Variants in RGS22 observed in about 807,000 individuals in gnomAD.
RGS22 encodes the protein regulator of G-protein signaling 22.
RGS22 carries 148 observed loss-of-function variants against 172.9 expected under a neutral mutation model. The ratio of observed to expected loss-of-function variants is 0.86; its 90% confidence interval spans 0.75 to 0.98. The LOEUF is 0.98. Ranked by LOEUF, RGS22 falls within the 50% of genes least tolerant of loss-of-function variation. RGS22 has a pLI of 0.00. For missense variants in RGS22, 1,347 were observed against 1,440.8 expected, an observed-to-expected ratio of 0.93 and a Z score of 1.05; for synonymous variants, 458 against 480.2, an observed-to-expected ratio of 0.95 and a Z score of 0.60.
At chr8:100,043,099 G>C (rs572547065) in intron 11 of RGS22, among the ~76,000 whole-genome samples, 1 of 152,322 alleles carries the variant, frequency 6.6e-6, no homozygotes, top group Non-Finnish European at 1.5e-5. Context: ...AACACTGGCA[G>C]TTGCCTATTA....
chr8:100,086,784 CAGCACTCTG>C (rs2131949752), intron 3 of RGS22, among the ~76,000 whole-genome samples: 1 of 152,240 alleles, frequency 6.6e-6, no homozygotes, highest in East Asian at 1.9e-4. Context: ...GGAAGGAGCT[CAGCACTCTG>C]AGTTTTAACA....
At chr8:99,993,770 C>T (rs1363724874) in intron 20 of RGS22, among the ~76,000 whole-genome samples, 1 of 152,126 alleles carries the variant, frequency 6.6e-6, no homozygotes, top group Non-Finnish European at 1.5e-5. Context: ...TTTTATGAGG[C>T]CAACGTCATC....
intron 10 of RGS22, among the ~76,000 whole-genome samples, chr8:100,049,849 C>T (rs191788518): frequency 6.6e-6 from 1 of 152,074 alleles, no homozygotes; most frequent in East Asian, 1.9e-4. Context: ...GAGTTCGAGA[C>T]CAGCCTGGCC....
intron 14 of RGS22, among the ~76,000 whole-genome samples, chr8:100,009,213 T>A (rs1342307102): frequency 6.6e-6 from 1 of 150,958 alleles, no homozygotes; most frequent in Non-Finnish European, 1.5e-5. Flanking sequence ...AGGTCAGGAG[T>A]TCAAGATGAG....
intron 20 of RGS22, among the ~76,000 whole-genome samples, chr8:99,995,958 G>T (rs1360850961): frequency 6.6e-6 from 1 of 152,120 alleles, no homozygotes; most frequent in Non-Finnish European, 1.5e-5. Flanking sequence ...CATGTCCTTC[G>T]CAGGGACATG....
At chr8:100,017,819 G>T (rs1317952033) in intron 14 of RGS22, among the ~76,000 whole-genome samples, 1 of 152,092 alleles carries the variant, frequency 6.6e-6, no homozygotes, top group Non-Finnish European at 1.5e-5. Flanking sequence ...CAAATCATTT[G>T]CTTTTTTACT....
chr8:100,030,260 G>T (rs1298175173), intron 14 of RGS22, among the ~76,000 whole-genome samples: 1 of 152,104 alleles, frequency 6.6e-6, no homozygotes, highest in African/African-American at 2.4e-5. Flanking sequence ...GTTGTATAAA[G>T]GTATAGCACA....
At chr8:100,004,138 C>T (rs1439097768) in intron 16 of RGS22, 40 bp from the exon 17 acceptor site, 3 of 1,516,598 alleles carry the variant, frequency 2.0e-6, no homozygotes, top group African/African-American at 2.8e-5. Context: ...CTCTTAAACA[C>T]AACAGATTGT....
chr8:99,970,397 G>T (rs1811207428), intron 23 of RGS22, among the ~76,000 whole-genome samples: 1 of 152,012 alleles, frequency 6.6e-6, no homozygotes, highest in Non-Finnish European at 1.5e-5. Flanking sequence ...CAAAACTAAA[G>T]GAGATACAGA....
intron 14 of RGS22, among the ~76,000 whole-genome samples, chr8:100,031,425 C>T (rs1000912143): frequency 2.0e-5 from 3 of 152,060 alleles, no homozygotes; most frequent in African/African-American, 7.2e-5. Flanking sequence ...GGTAAAAGTG[C>T]TGTGGATTTA....
At chr8:100,052,552 C>G (rs374840593) in intron 10 of RGS22, among the ~76,000 whole-genome samples, 1 of 151,962 alleles carries the variant, frequency 6.6e-6, no homozygotes. Flanking sequence ...CCGCCTGCCT[C>G]GGCCTCCCAA....
In RGS22 at chr8:99,982,004, A is replaced by G. The variant is rs1311131310; in HGVS notation, c.3293T>C (p.Val1098Ala). The G allele has an allele frequency of 1.2e-6, 2 of 1,613,866 alleles. No homozygotes were observed. Among genetic ancestry groups the G allele is most frequent in the African/African-American group, 2.7e-5 (2 of 74,894 alleles). Residue 1098 changes from valine (V) to alanine (A), a missense_variant, in exon 22 of 28, where the codon GTA (valine) becomes GCA (alanine). By Grantham distance (64) the Val-to-Ala change is moderately conservative (BLOSUM62 0). Transcript: ENST00000360863. ...IPPALQIDIP[V>A]EQAQKIIEHR... ...TTCAATAATCTTCTGGGCTTGCTCTACTGGAATGTCAATTTGTAAAGCTGG... is the reference window on the plus strand; with the variant it reads ...TTCAATAATCTTCTGGGCTTGCTCTGCTGGAATGTCAATTTGTAAAGCTGG...
rs552488752 is a variant in RGS22 at position 100,034,903 on chromosome 8, T to C, written c.2166+4028A>G. 2.6e-3 allele frequency among the ~76,000 whole-genome samples: 393 copies of C among 152,272 alleles called. 4 individuals are homozygous for C. The highest frequency in any genetic ancestry group is 4.3e-3 in the Non-Finnish European group (293 of 68,020). ...TGGTGCTGGGAAAACTGGCTAGCCATATGTAAAAAGCTGAAACTGGATCCC... is the reference window on the plus strand; with the variant it reads ...TGGTGCTGGGAAAACTGGCTAGCCACATGTAAAAAGCTGAAACTGGATCCC... On this transcript the variant is annotated intron_variant, in intron 14 of 27. Transcript: ENST00000360863.
At chr8:100,019,552 G>T (rs1000193355) in intron 14 of RGS22, among the ~76,000 whole-genome samples, 1 of 152,162 alleles carries the variant, frequency 6.6e-6, no homozygotes, top group Non-Finnish European at 1.5e-5. Flanking sequence ...CAAAACCTAT[G>T]TACTGTGAGA....
chr8:100,079,746 A>G (rs951972308), intron 4 of RGS22, among the ~76,000 whole-genome samples: 1 of 152,270 alleles, frequency 6.6e-6, no homozygotes, highest in Middle Eastern at 3.4e-3. Context: ...TCAGAGCCAC[A>G]CAATGCAACT....
At chr8:100,049,709 C>A (rs1821080822) in intron 10 of RGS22, among the ~76,000 whole-genome samples, 1 of 152,146 alleles carries the variant, frequency 6.6e-6, no homozygotes, top group Non-Finnish European at 1.5e-5. Context: ...AAAATGTGGT[C>A]CCCAAAGCAG....
chr8:100,073,757 T>G (rs1182607374), intron 4 of RGS22, among the ~76,000 whole-genome samples: 1 of 152,216 alleles, frequency 6.6e-6, no homozygotes, highest in African/African-American at 2.4e-5. Context: ...AGTCAGTTCA[T>G]TCAAAACCAA....
intron 10 of RGS22, among the ~76,000 whole-genome samples, chr8:100,051,483 T>A (rs1391323040): frequency 1.1e-5 from 1 of 91,512 alleles, no homozygotes; most frequent in South Asian, 3.4e-4. Context: ...TTATATATAT[T>A]TATATATAAT....
At chr8:100,038,470 C>G (rs575674079) in intron 14 of RGS22, 1 of 153,132 alleles carries the variant, frequency 6.5e-6, no homozygotes, top group South Asian at 2.1e-4. Context: ...ACTGCATAGT[C>G]AGTCAACATC....
Sources: gnomAD v4.1 joint callset for allele counts (sites outside exome capture counted in the v4.1 genomes callset) on GRCh38, gnomAD v4.1.1 for gene constraint, MANE v1.5 for transcripts, NCBI Gene and HGNC (gene_info 2026-07-23, HGNC 2026-07-21) for gene names.